Variants in PDE3A observed in about 807,000 individuals in gnomAD.
The protein encoded by PDE3A is cGMP-inhibited 3',5'-cyclic phosphodiesterase 3A.
A neutral mutation model predicts 98.3 loss-of-function variants in PDE3A; 43 were observed. That is an observed-to-expected ratio of 0.44 (90% CI 0.34 to 0.56). PDE3A has a LOEUF of 0.56. Ranked by LOEUF, PDE3A falls within the 20% of genes least tolerant of loss-of-function variation. PDE3A has a pLI of 0.01. For missense variants in PDE3A, 1,427 were observed against 1,440.7 expected (o/e 0.99, Z 0.15); for synonymous variants, 663 against 567.9 (o/e 1.17, Z -2.38).
intron 1 of PDE3A, among the ~76,000 whole-genome samples, chr12:20,459,074 T>C (rs11609734): frequency 0.04 from 6,140 of 152,280 alleles, 169 homozygotes; most frequent in South Asian, 0.069. Context: ...AAATTATGGA[T>C]GACTTTTCCT....
At chr12:20,387,584 C>G (rs1943835228) in intron 1 of PDE3A, among the ~76,000 whole-genome samples, 1 of 152,030 alleles carries the variant, frequency 6.6e-6, no homozygotes, top group Middle Eastern at 3.4e-3. Context: ...CAATACATCC[C>G]AGGTCTTTTT....
At chr12:20,459,701 G>C (rs1266805099) in intron 1 of PDE3A, among the ~76,000 whole-genome samples, 2 of 152,098 alleles carry the variant, frequency 1.3e-5, no homozygotes, top group African/African-American at 2.4e-5. Context: ...TTTCAATTTA[G>C]TACCATTAAT....
intron 15 of PDE3A, among the ~76,000 whole-genome samples, chr12:20,679,770 A>G (rs190333337): frequency 4.0e-4 from 60 of 151,726 alleles, no homozygotes; most frequent in African/African-American, 1.4e-3. Flanking sequence ...AATATTAAAT[A>G]CTGTCCCTAG....
chr12:20,613,398 A>T (rs768935874), intron 2 of PDE3A, 45 bp from the exon 3 acceptor site: 1 of 1,596,458 alleles, frequency 6.3e-7, no homozygotes. Context: ...GTGCCTTCAG[A>T]TTCAGGCCTT....
Position 20,380,218 on chromosome 12 carries a change from T to C in PDE3A, c.960+9974T>C, listed in dbSNP as rs140592359. Among the ~76,000 whole-genome samples, 16 of 151,996 alleles carry C rather than the reference T, an allele frequency of 1.1e-4. No homozygotes were observed. The East Asian group carries it at 2.5e-3, about 24-fold the overall frequency. On this transcript the variant is annotated intron_variant, in intron 1 of 15. Transcript: ENST00000359062. ...CAAATGTTATCTCCTTAGCTTTTAA[T>C]TGTGATCAATTACAAAACAAAGTTT...
chr12:20,688,291 C>T lies in PDE3A; in HGVS notation c.*8020C>T, dbSNP rs1946034590. ...TATATGTAGCAATACTTAGTATCAT[C>T]CCATCACAAGTATTGTTAGGCGACT... On this transcript the variant is annotated 3_prime_UTR_variant, in exon 16 of 16. Coordinates refer to ENST00000359062, the MANE Select transcript of PDE3A (RefSeq NM_000921.5). Among the ~76,000 whole-genome samples, 2 of 151,842 alleles carry T rather than the reference C, an allele frequency of 1.3e-5. No individual in the cohort carries two copies. Among genetic ancestry groups the T allele is most frequent in the Non-Finnish European group, 2.9e-5 (2 of 67,920 alleles).
intron 1 of PDE3A, among the ~76,000 whole-genome samples, chr12:20,414,712 A>G (rs1183117451): frequency 3.9e-5 from 6 of 152,176 alleles, no homozygotes; most frequent in African/African-American, 9.7e-5. Context: ...GAGATGATCA[A>G]TTCTTTAAAG....
At chr12:20,458,635 A>G (rs973263663) in intron 1 of PDE3A, among the ~76,000 whole-genome samples, 8 of 152,094 alleles carry the variant, frequency 5.3e-5, no homozygotes, top group Non-Finnish European at 1.2e-4. Flanking sequence ...TTGTCTTTCT[A>G]CCTACTGTCA....
intron 15 of PDE3A, among the ~76,000 whole-genome samples, chr12:20,655,473 A>G (rs139906947): frequency 0.014 from 2,149 of 152,274 alleles, 25 homozygotes; most frequent in Middle Eastern, 0.068. Context: ...GGGAGAGAAT[A>G]CAGTCATGGG....
At chr12:20,590,753 A>G (rs1943319160) in intron 2 of PDE3A, among the ~76,000 whole-genome samples, 2 of 152,198 alleles carry the variant, frequency 1.3e-5, no homozygotes, top group South Asian at 4.1e-4. Context: ...GACAGTACAA[A>G]GATATGCAGA....
intron 2 of PDE3A, among the ~76,000 whole-genome samples, chr12:20,606,586 C>T (rs889086970): frequency 3.3e-5 from 5 of 151,902 alleles, no homozygotes; most frequent in Admixed American, 1.3e-4. Context: ...TGGCCGGGTG[C>T]GGTGGCTCAC....
At chr12:20,639,775 T>A in intron 9 of PDE3A, 71 bp from the exon 10 acceptor site, 1 of 716,566 alleles carries the variant, frequency 1.4e-6, no homozygotes, top group Non-Finnish European at 2.5e-6. Flanking sequence ...ATTTACCTAG[T>A]TTCACCACTG....
In PDE3A at chr12:20,369,179, G is replaced by T; in HGVS notation, c.-106G>T. On this transcript the variant is annotated 5_prime_UTR_variant, in exon 1 of 16. Coordinates refer to ENST00000359062, the MANE Select transcript of PDE3A (RefSeq NM_000921.5). ...AGGATTCCGAGGGTGGAATTGGGAA[G>T]AGCGTGCGTGCGTGTGTGTGTGTGT... 2 of 678,424 alleles carry T rather than the reference G, an allele frequency of 2.9e-6. No individual in the cohort carries two copies. The highest frequency in any genetic ancestry group is 4.3e-5 in the South Asian group (2 of 46,032). 42.0% of individuals were successfully genotyped at this position (678,424 alleles called of 1,614,324 possible). A position where few individuals can be genotyped will look rare whatever the true frequency, so the allele number is the denominator to read the frequency against.
At chr12:20,551,596 G>T in intron 1 of PDE3A, 2 of 1,555,804 alleles carry the variant, frequency 1.3e-6, no homozygotes, top group Non-Finnish European at 1.7e-6. Context: ...CCTGTGCGGG[G>T]GCCGGCAGGA....
intron 5 of PDE3A, among the ~76,000 whole-genome samples, chr12:20,622,320 A>G (rs1417724624): frequency 6.6e-6 from 1 of 152,028 alleles, no homozygotes; most frequent in East Asian, 1.9e-4. Context: ...CTCCATGCCA[A>G]TAGTCAGTAA....
At chr12:20,579,106 T>C (rs1412671492) in intron 2 of PDE3A, among the ~76,000 whole-genome samples, 3 of 152,202 alleles carry the variant, frequency 2.0e-5, no homozygotes, top group Admixed American at 6.5e-5. Context: ...TCAGGCTTTG[T>C]TGGGAAACCC....
chr12:20,597,382 C>T (rs1453677641), intron 2 of PDE3A, among the ~76,000 whole-genome samples: 6 of 152,118 alleles, frequency 3.9e-5, no homozygotes. Context: ...ATCTATGAGA[C>T]TTATAGGGGC....
At chr12:20,374,368 A>T (rs919103168) in intron 1 of PDE3A, among the ~76,000 whole-genome samples, 1 of 152,052 alleles carries the variant, frequency 6.6e-6, no homozygotes, top group Non-Finnish European at 1.5e-5. Context: ...TTCTGTATTG[A>T]GTCGAAAGTG....
chr12:20,504,701 G>A (rs1381767399), intron 1 of PDE3A, among the ~76,000 whole-genome samples: 2 of 151,926 alleles, frequency 1.3e-5, no homozygotes, highest in Non-Finnish European at 2.9e-5. Context: ...CAGTTTCAAA[G>A]CTGGCAAAGG....
Sources: gnomAD v4.1 joint callset for allele counts (sites outside exome capture counted in the v4.1 genomes callset) on GRCh38, gnomAD v4.1.1 for gene constraint, MANE v1.5 for transcripts, NCBI Gene and HGNC (gene_info 2026-07-23, HGNC 2026-07-21) for gene names.